The following ALDH9A1 variants were observed in gnomAD, a reference collection of about 807,000 sequenced individuals.
The protein encoded by ALDH9A1 is 4-trimethylaminobutyraldehyde dehydrogenase.
Under a neutral mutation model 56.6 loss-of-function variants are expected in ALDH9A1, and 42 were observed. The observed-to-expected ratio is 0.74, with a 90% CI of 0.58 to 0.96. ALDH9A1 has a LOEUF of 0.96. Ranked by LOEUF, ALDH9A1 falls within the 40% of genes least tolerant of loss-of-function variation. The probability of loss-of-function intolerance (pLI) is 0.00; values close to 1 mark genes in which losing one functional copy is unlikely to be tolerated. For missense variants in ALDH9A1, 661 were observed against 651.5 expected, an observed-to-expected ratio of 1.01 and a Z score of -0.16; for synonymous variants, 242 against 236.0, an observed-to-expected ratio of 1.03 and a Z score of -0.23.
chr1:165,695,212 G>A (rs1428881847), intron 2 of ALDH9A1, 40 bp downstream of exon 2: 1 of 1,554,012 alleles, frequency 6.4e-7, no homozygotes, highest in Non-Finnish European at 8.7e-7. Flanking sequence ...AAACCTCAGA[G>A]CAATGTCTGA....
intron 6 of ALDH9A1, among the ~76,000 whole-genome samples, chr1:165,674,829 C>T (rs1053624545): frequency 1.6e-4 from 25 of 152,022 alleles, no homozygotes; most frequent in African/African-American, 6.0e-4. Flanking sequence ...TTCACAATAA[C>T]CAAGATAAGG....
intron 1 of ALDH9A1, among the ~76,000 whole-genome samples, chr1:165,697,584 T>C (rs1001235228): frequency 3.3e-5 from 5 of 152,240 alleles, no homozygotes; most frequent in African/African-American, 1.2e-4. Flanking sequence ...GGAGACAAAG[T>C]CCTCATTCGT....
intron 2 of ALDH9A1, among the ~76,000 whole-genome samples, chr1:165,693,095 CT>C (rs1193006971): frequency 4.6e-5 from 7 of 151,980 alleles, no homozygotes; most frequent in Non-Finnish European, 1.0e-4. Flanking sequence ...AATGTTAGAC[CT>C]AAAACCATAA....
intron 6 of ALDH9A1, chr1:165,676,512 C>T (rs1290395695): frequency 1.7e-5 from 5 of 290,040 alleles, no homozygotes; most frequent in African/African-American, 9.0e-5. Context: ...CAATGTTACC[C>T]AGCATGTTGT....
intron 2 of ALDH9A1, among the ~76,000 whole-genome samples, chr1:165,691,611 C>T (rs1398101042): frequency 1.3e-5 from 2 of 152,134 alleles, no homozygotes; most frequent in African/African-American, 4.8e-5. Context: ...GATGTTTGAA[C>T]CCATCACAAA....
intron 8 of ALDH9A1, among the ~76,000 whole-genome samples, chr1:165,668,167 T>C (rs953423544): frequency 6.6e-6 from 1 of 152,192 alleles, no homozygotes; most frequent in African/African-American, 2.4e-5. Context: ...TCTGACATAC[T>C]GGTTTTATTA....
intron 5 of ALDH9A1, 143 bp downstream of exon 5, chr1:165,680,344 C>T (rs1374580097): frequency 6.9e-6 from 6 of 870,200 alleles, no homozygotes; most frequent in Non-Finnish European, 1.1e-5. Flanking sequence ...AATTTCACAC[C>T]TCTGCCTAAT....
chr1:165,678,326 T>C (rs1263225460), intron 6 of ALDH9A1, among the ~76,000 whole-genome samples: 3 of 152,012 alleles, frequency 2.0e-5, no homozygotes, highest in African/African-American at 4.8e-5. Flanking sequence ...AGAGCTAGAC[T>C]CCGTCTCAAA....
intron 6 of ALDH9A1, among the ~76,000 whole-genome samples, chr1:165,672,518 G>C (rs1031665709): frequency 2.0e-5 from 3 of 152,148 alleles, no homozygotes; most frequent in Non-Finnish European, 4.4e-5. Flanking sequence ...GAGAGAAACA[G>C]AGTTATTATT....
chr1:165,664,324 A>T (rs1463289375), intron 10 of ALDH9A1, among the ~76,000 whole-genome samples: 2 of 152,226 alleles, frequency 1.3e-5, no homozygotes, highest in African/African-American at 4.8e-5. Flanking sequence ...AGAAATATGT[A>T]AATGAATATT....
chr1:165,680,102 C>G (rs1649495637), intron 5 of ALDH9A1, among the ~76,000 whole-genome samples: 1 of 152,194 alleles, frequency 6.6e-6, no homozygotes, highest in African/African-American at 2.4e-5. Context: ...TTAAGGCTGA[C>G]AGAGTTCAGA....
chr1:165,677,201 C>T (rs1026005224), intron 6 of ALDH9A1, among the ~76,000 whole-genome samples: 5 of 151,708 alleles, frequency 3.3e-5, no homozygotes, highest in South Asian at 2.1e-4. Context: ...AGTGAAACCC[C>T]GTCTCTACAA....
chr1:165,676,560 C>T, intron 6 of ALDH9A1: 1 of 272,898 alleles, frequency 3.7e-6, no homozygotes, highest in South Asian at 4.3e-5. Context: ...AAAATTCTTG[C>T]CAAGAGAATT....
chr1:165,683,303 G>A (rs1302160037), intron 2 of ALDH9A1, among the ~76,000 whole-genome samples, 193 bp from the exon 3 acceptor site: 1 of 151,658 alleles, frequency 6.6e-6, no homozygotes, highest in Non-Finnish European at 1.5e-5. Flanking sequence ...TTCTTCCCTC[G>A]TTAATTAATC....
chr1:165,695,467 A>G (rs1253423151), intron 1 of ALDH9A1, 70 bp from the exon 2 acceptor site: 2 of 1,271,290 alleles, frequency 1.6e-6, no homozygotes, highest in Non-Finnish European at 2.1e-6. Context: ...ATTATCTATC[A>G]ATATTCTCTT....
chr1:165,685,153 TC>T (rs1241283396), intron 2 of ALDH9A1, among the ~76,000 whole-genome samples: 1 of 152,204 alleles, frequency 6.6e-6, no homozygotes, highest in African/African-American at 2.4e-5. Flanking sequence ...TACAAGTATT[TC>T]TTAGGAAATA....
At chr1:165,693,385 C>T (rs1460500148) in intron 2 of ALDH9A1, among the ~76,000 whole-genome samples, 1 of 152,088 alleles carries the variant, frequency 6.6e-6, no homozygotes, top group African/African-American at 2.4e-5. Context: ...ACAAACAACC[C>T]CATCAACAAG....
At chr1:165,691,186 C>T (rs1359151513) in intron 2 of ALDH9A1, among the ~76,000 whole-genome samples, 1 of 152,240 alleles carries the variant, frequency 6.6e-6, no homozygotes, top group East Asian at 1.9e-4. Flanking sequence ...CAGGCAGCAA[C>T]ATTTGCTGTT....
chr1:165,690,804 C>A (rs7542184), intron 2 of ALDH9A1, among the ~76,000 whole-genome samples: 34,021 of 152,112 alleles, frequency 0.22, 4,647 homozygotes, highest in Non-Finnish European at 0.31. Flanking sequence ...GGCAGTGAAG[C>A]TGGGGGAGGG....
Sources: gnomAD v4.1 joint callset for allele counts (sites outside exome capture counted in the v4.1 genomes callset) on GRCh38, gnomAD v4.1.1 for gene constraint, MANE v1.5 for transcripts, NCBI Gene and HGNC (gene_info 2026-07-23, HGNC 2026-07-21) for gene names.